Variants in FLNB observed in about 807,000 individuals in gnomAD.
The protein encoded by FLNB is filamin B.
FLNB carries 111 observed loss-of-function variants against 250.6 expected under a neutral mutation model. The observed-to-expected ratio is 0.44, with a 90% CI of 0.38 to 0.52. The LOEUF (loss-of-function observed/expected upper bound fraction) is 0.52, where lower values mean the gene tolerates loss of function less well. FLNB is among the 20% of genes least tolerant of loss of function. The pLI, the probability that FLNB is intolerant of heterozygous loss-of-function variation, is 0.00. For synonymous variants in FLNB, 1,302 were observed against 1,372.1 expected, an observed-to-expected ratio of 0.95 and a Z score of 1.13; for missense variants, 2,869 against 3,447.8, an observed-to-expected ratio of 0.83 and a Z score of 4.20.
At chr3:58,011,268 C>A (rs1053889786) in intron 1 of FLNB, among the ~76,000 whole-genome samples, 2 of 152,138 alleles carry the variant, frequency 1.3e-5, no homozygotes, top group Non-Finnish European at 2.9e-5. Context: ...ATTGTCCCGA[C>A]GTTCCAGGGT....
intron 1 of FLNB, among the ~76,000 whole-genome samples, chr3:58,069,232 C>CTTTTTT (rs59689498): frequency 9.3e-5 from 8 of 86,384 alleles, no homozygotes; most frequent in African/African-American, 1.5e-4. Flanking sequence ...TAGTTCAATT[C>CTTTTTT]TTTTTTTTTT....
chr3:58,126,206 A>G (rs1280597601), intron 23 of FLNB, among the ~76,000 whole-genome samples: 3 of 152,166 alleles, frequency 2.0e-5, no homozygotes, highest in Admixed American at 2.0e-4. Flanking sequence ...GCAAAACCCC[A>G]TCCCTACAAG....
intron 4 of FLNB, among the ~76,000 whole-genome samples, chr3:58,085,014 C>CT (rs2097215232): frequency 2.0e-5 from 3 of 152,178 alleles, no homozygotes; most frequent in Admixed American, 2.0e-4. Context: ...AATTTCATTC[C>CT]TTTTTAAGGC....
intron 28 of FLNB, 65 bp from the exon 29 acceptor site, chr3:58,138,217 T>C: frequency 1.2e-6 from 2 of 1,608,080 alleles, no homozygotes; most frequent in East Asian, 4.5e-5. Flanking sequence ...ATGGGTATGA[T>C]TTGTTCTTGG....
intron 14 of FLNB, 120 bp downstream of exon 14, chr3:58,109,442 T>A: frequency 6.3e-7 from 1 of 1,591,468 alleles, no homozygotes; most frequent in Non-Finnish European, 8.6e-7. Flanking sequence ...TGGTGGGCCT[T>A]GAATGATGGA....
At chr3:58,052,941 A>G (rs2106847611) in intron 1 of FLNB, among the ~76,000 whole-genome samples, 2 of 152,222 alleles carry the variant, frequency 1.3e-5, no homozygotes, top group East Asian at 1.9e-4. Flanking sequence ...TTGTGTGTAC[A>G]TGGGGGTATT....
Position 58,105,069 on chromosome 3 carries a change from T to C in FLNB, c.1611-11T>C, listed in dbSNP as rs768414546. The stretch of plus-strand genomic sequence containing the variant: ...TCTTCTTTGATGCTTCTTCTATTCC[T>C]TTCCCTGTAGCCCCTTTGAAGTTCA... On this transcript the variant is annotated splice_polypyrimidine_tract_variant and intron_variant, in intron 10 of 45. Coordinates refer to ENST00000295956, the MANE Select transcript of FLNB (RefSeq NM_001457.4). 10 of 1,614,128 alleles carry C rather than the reference T, an allele frequency of 6.2e-6. No individual in the cohort carries two copies. In the East Asian group the frequency reaches 2.2e-4, roughly 36 times the overall value.
intron 1 of FLNB, 118 bp from the exon 2 acceptor site, chr3:58,076,928 C>G: frequency 8.2e-7 from 1 of 1,220,326 alleles, no homozygotes; most frequent in Non-Finnish European, 1.2e-6. Flanking sequence ...TCATTTCACT[C>G]TTAAATATCT....
At chr3:58,087,709 C>G (rs983128407) in intron 4 of FLNB, among the ~76,000 whole-genome samples, 1 of 151,920 alleles carries the variant, frequency 6.6e-6, no homozygotes. Context: ...CTCGGCCTCC[C>G]GAAGTGTTGG....
At chr3:58,151,391 CAAAAAAAAAA>C (rs748474191) in intron 38 of FLNB, 4 of 52,594 alleles carry the variant, frequency 7.6e-5, no homozygotes, top group South Asian at 9.9e-4. Context: ...GACTCCTTCT[CAAAAAAAAAA>C]AAAAAAAAAA....
At chr3:58,119,480 C>T (rs2097284767) in intron 19 of FLNB, among the ~76,000 whole-genome samples, 1 of 152,164 alleles carries the variant, frequency 6.6e-6, no homozygotes. Context: ...CACCTCTGCC[C>T]CATCCCAATG....
At chr3:58,122,163 C>T (rs561751715) in intron 20 of FLNB, among the ~76,000 whole-genome samples, 28 of 118,604 alleles carry the variant, frequency 2.4e-4, no homozygotes, top group Admixed American at 1.6e-3. Context: ...AGCAAGACTC[C>T]GTCTCAAAAA....
chr3:58,107,299 T>A (rs1053862057), intron 12 of FLNB, among the ~76,000 whole-genome samples: 1 of 152,226 alleles, frequency 6.6e-6, no homozygotes, highest in Non-Finnish European at 1.5e-5. Flanking sequence ...CCCAAAGTGC[T>A]GGGATTACAG....
In FLNB at chr3:58,130,309, T is replaced by A. The variant is rs190134241; in HGVS notation, c.4223-432T>A. On this transcript the variant is annotated intron_variant, in intron 24 of 45. Coordinates refer to ENST00000295956, the MANE Select transcript of FLNB (RefSeq NM_001457.4). Reference sequence around the variant, plus strand: ...CTAGGCTCCTGCATGTGCTGAGGCCTCTCTACTTGAAGCACCTCTCTGTCT... The same window carrying A: ...CTAGGCTCCTGCATGTGCTGAGGCCACTCTACTTGAAGCACCTCTCTGTCT... 3.0e-3 allele frequency among the ~76,000 whole-genome samples: 461 copies of A among 152,228 alleles called. 5 individuals are homozygous for A. Among genetic ancestry groups the A allele is most frequent in the African/African-American group, 0.011 (445 of 41,538 alleles).
intron 1 of FLNB, among the ~76,000 whole-genome samples, chr3:58,033,682 C>T (rs146861871): frequency 2.0e-4 from 31 of 152,270 alleles, no homozygotes; most frequent in Middle Eastern, 3.4e-3. Context: ...TGAGCCACTA[C>T]GCCCTGCCAG....
At chr3:58,094,003 C>T (rs2107036398) in intron 4 of FLNB, among the ~76,000 whole-genome samples, 1 of 152,264 alleles carries the variant, frequency 6.6e-6, no homozygotes, top group South Asian at 2.1e-4. Context: ...CAGGAGGGCT[C>T]CCTGTGCTAA....
chr3:58,124,340 CG>C lies in FLNB; in HGVS notation c.3736del (p.Glu1246LysfsTer13). ...ATGTGCTTGCTCTGCAGATGTGTTCCGGGAAGCTACCACCGACTTTACAGTT... is the reference window on the plus strand; with the variant it reads ...ATGTGCTTGCTCTGCAGATGTGTTCCGGAAGCTACCACCGACTTTACAGTT... ...GPGIEGKDVF[R>X]EATTDFTVDS... On this transcript the variant is annotated frameshift_variant, in exon 22 of 46. Transcript: ENST00000295956. LOFTEE classifies it high-confidence loss of function. 2 of 1,614,126 alleles carry C rather than the reference CG, an allele frequency of 1.2e-6. No homozygotes were observed. The highest frequency in any genetic ancestry group is 8.5e-7 in the Non-Finnish European group (1 of 1,180,010).
intron 4 of FLNB, among the ~76,000 whole-genome samples, chr3:58,086,381 T>G (rs973158914): frequency 1.3e-5 from 2 of 152,002 alleles, no homozygotes; most frequent in African/African-American, 4.8e-5. Context: ...AAAAGAAAAA[T>G]ATATGAAATA....
At chr3:58,064,170 C>T (rs1479103083) in intron 1 of FLNB, among the ~76,000 whole-genome samples, 1 of 152,170 alleles carries the variant, frequency 6.6e-6, no homozygotes, top group Non-Finnish European at 1.5e-5. Context: ...GACGAAGTTT[C>T]ACTCTTGTCA....
Sources: allele counts gnomAD v4.1 joint callset (sites outside exome capture counted in the v4.1 genomes callset), GRCh38; gene constraint gnomAD v4.1.1; transcripts MANE v1.5; gene names NCBI Gene and HGNC (gene_info 2026-07-23, HGNC 2026-07-21).